Variants in EYS observed in about 807,000 individuals in gnomAD.
EYS encodes the protein EGF-like photoreceptor maintenance factor.
Under a neutral mutation model 282.1 loss-of-function variants are expected in EYS, and 250 were observed. That is an observed-to-expected ratio of 0.89 (90% CI 0.80 to 0.98). The LOEUF is 0.98. Among genes scored for constraint, EYS ranks in the 50% least tolerant of loss-of-function variants. The probability of loss-of-function intolerance (pLI) is 0.00; values close to 1 mark genes in which losing one functional copy is unlikely to be tolerated. For missense variants in EYS, 4,016 were observed against 3,709.0 expected, an observed-to-expected ratio of 1.08 and a Z score of -2.15; for synonymous variants, 1,355 against 1,282.9, an observed-to-expected ratio of 1.06 and a Z score of -1.20.
chr6:65,387,540 AAAT>A (rs1340249308), intron 7 of EYS, among the ~76,000 whole-genome samples: 5 of 152,058 alleles, frequency 3.3e-5, no homozygotes, highest in African/African-American at 7.2e-5. Context: ...TACTGTATTA[AAAT>A]AATAATTTCA....
chr6:65,099,383 T>C (rs762296588), intron 12 of EYS, among the ~76,000 whole-genome samples: 1 of 150,816 alleles, frequency 6.6e-6, no homozygotes, highest in Non-Finnish European at 1.5e-5. Context: ...CATTCTTTGA[T>C]AAACAGCAGG....
intron 23 of EYS, among the ~76,000 whole-genome samples, chr6:64,622,856 T>C (rs1767492541): frequency 6.6e-6 from 1 of 152,166 alleles, no homozygotes. Flanking sequence ...TTTGAGGCTT[T>C]TTAAAAATCA....
chr6:65,281,670 A>G (rs1482185094), intron 12 of EYS, among the ~76,000 whole-genome samples: 2 of 152,132 alleles, frequency 1.3e-5, no homozygotes, highest in Non-Finnish European at 2.9e-5. Context: ...AGTCACATAT[A>G]GCATGAGAGA....
intron 13 of EYS, among the ~76,000 whole-genome samples, chr6:65,034,350 G>T (rs879393771): frequency 6.6e-6 from 1 of 152,140 alleles, no homozygotes; most frequent in Non-Finnish European, 1.5e-5. Flanking sequence ...AGAAGTACAT[G>T]AGATTTGCGA....
At chr6:63,836,732 A>G (rs1771818676) in intron 36 of EYS, among the ~76,000 whole-genome samples, 1 of 152,122 alleles carries the variant, frequency 6.6e-6, no homozygotes. Flanking sequence ...CCAAATAGTT[A>G]TTGAAGGACT....
chr6:64,028,793 G>A (rs1055524123), intron 33 of EYS, among the ~76,000 whole-genome samples: 7 of 152,122 alleles, frequency 4.6e-5, no homozygotes, highest in African/African-American at 9.7e-5. Flanking sequence ...CAGAAGCCTC[G>A]TGCCAGCAGG....
intron 35 of EYS, among the ~76,000 whole-genome samples, chr6:63,920,631 C>T (rs1764543409): frequency 1.3e-5 from 2 of 152,136 alleles, no homozygotes; most frequent in Non-Finnish European, 2.9e-5. Context: ...TCTGTTGAAC[C>T]ACATGAGTTG....
chr6:64,579,053 C>G (rs609000), intron 26 of EYS, among the ~76,000 whole-genome samples: 116,380 of 152,030 alleles, frequency 0.77, 45,437 homozygotes, highest in African/African-American at 0.94. Context: ...TAAAAAGTCT[C>G]TGGAGAAGCA....
At chr6:65,060,674 G>A (rs1013157806) in intron 12 of EYS, among the ~76,000 whole-genome samples, 1 of 151,524 alleles carries the variant, frequency 6.6e-6, no homozygotes, top group Admixed American at 6.6e-5. Context: ...TATTCTTTCT[G>A]GGTACAGGTT....
At chr6:65,128,055 G>A (rs886258386) in intron 12 of EYS, among the ~76,000 whole-genome samples, 1 of 151,854 alleles carries the variant, frequency 6.6e-6, no homozygotes, top group African/African-American at 2.4e-5. Context: ...AAGTAAATCT[G>A]GTCTTCCAGT....
chr6:65,637,809 AGGCTGGCG>A (rs1382458254), intron 2 of EYS, among the ~76,000 whole-genome samples: 1 of 152,130 alleles, frequency 6.6e-6, no homozygotes, highest in Non-Finnish European at 1.5e-5. Flanking sequence ...CACAGGAGGG[AGGCTGGCG>A]GGCGTGGTGA....
intron 40 of EYS, among the ~76,000 whole-genome samples, chr6:63,777,193 G>A (rs563409095): frequency 6.6e-6 from 1 of 152,248 alleles, no homozygotes; most frequent in Admixed American, 6.5e-5. Context: ...CTAGTGAGGA[G>A]GTGGAGGGGA....
chr6:65,313,345 G>A (rs1411845845), intron 11 of EYS, among the ~76,000 whole-genome samples: 9 of 151,524 alleles, frequency 5.9e-5, no homozygotes, highest in Non-Finnish European at 1.3e-4. Context: ...GAAGTGACCC[G>A]ATACATGCGT....
intron 26 of EYS, among the ~76,000 whole-genome samples, chr6:64,545,743 C>A (rs1234196968): frequency 6.6e-6 from 1 of 152,032 alleles, no homozygotes; most frequent in African/African-American, 2.4e-5. Context: ...ACACAAAGAG[C>A]CAAATCATGA....
intron 29 of EYS, among the ~76,000 whole-genome samples, chr6:64,330,393 T>C (rs1324861055): frequency 6.6e-6 from 1 of 152,068 alleles, no homozygotes; most frequent in Non-Finnish European, 1.5e-5. Flanking sequence ...GGCAAAACCA[T>C]TGTATGAGAC....
intron 31 of EYS, among the ~76,000 whole-genome samples, chr6:64,181,984 T>A (rs974398516): frequency 1.3e-5 from 2 of 152,198 alleles, no homozygotes; most frequent in Non-Finnish European, 2.9e-5. Context: ...ACAGGTGTCA[T>A]TCAATCATTG....
intron 31 of EYS, among the ~76,000 whole-genome samples, chr6:64,120,221 T>C (rs899808129): frequency 6.6e-6 from 1 of 150,558 alleles, no homozygotes; most frequent in African/African-American, 2.4e-5. Flanking sequence ...CCAGGCATGG[T>C]GGCGGGCCCC....
chr6:63,727,706 C>CAAAAAAAAAAA (rs1169878020), intron 41 of EYS, among the ~76,000 whole-genome samples: 2 of 9,526 alleles, frequency 2.1e-4, no homozygotes, highest in African/African-American at 5.5e-4. Flanking sequence ...CACCATCTCT[C>CAAAAAAAAAAA]AAAAAAAAAA....
intron 12 of EYS, among the ~76,000 whole-genome samples, chr6:65,137,349 G>A (rs1447181888): frequency 1.3e-5 from 2 of 152,000 alleles, no homozygotes; most frequent in African/African-American, 2.4e-5. Flanking sequence ...AATGTTAAAA[G>A]GCCCTCAGGA....
Sources: gnomAD v4.1 joint callset for allele counts (sites outside exome capture counted in the v4.1 genomes callset) on GRCh38, gnomAD v4.1.1 for gene constraint, MANE v1.5 for transcripts, NCBI Gene and HGNC (gene_info 2026-07-23, HGNC 2026-07-21) for gene names.